EXT2: variants seen among roughly 807,000 people sequenced by gnomAD.
The protein encoded by EXT2 is exostosin glycosyltransferase 2.
A neutral mutation model predicts 81.6 loss-of-function variants in EXT2; 53 were observed. The ratio of observed to expected loss-of-function variants is 0.65; its 90% CI spans 0.52 to 0.82. EXT2 has a LOEUF of 0.82. Among genes scored for constraint, EXT2 ranks in the 40% least tolerant of loss-of-function variants. The pLI, the probability that EXT2 is intolerant of heterozygous loss-of-function variation, is 0.00. For missense variants in EXT2, 774 were observed against 910.2 expected (o/e 0.85, Z 1.93); for synonymous variants, 320 against 340.0 (o/e 0.94, Z 0.65).
intron 7 of EXT2, among the ~76,000 whole-genome samples, chr11:44,141,686 C>T (rs1215557038): frequency 6.6e-6 from 1 of 152,210 alleles, no homozygotes; most frequent in Non-Finnish European, 1.5e-5. Flanking sequence ...CCTCCTTGGG[C>T]ATTTGTTGGA....
chr11:44,244,375 T>TCAACCTTCCACCCTTAACC lies in EXT2; in HGVS notation c.*88_*89insCAACCTTCCACCCTTAACC. The TCAACCTTCCACCCTTAACC allele has an allele frequency of 1.4e-6, 2 of 1,476,644 alleles. No individual in the cohort carries two copies. The highest frequency in any genetic ancestry group is 1.9e-6 in the Non-Finnish European group (2 of 1,057,662). 91.5% of individuals were successfully genotyped at this position (1,476,644 alleles called of 1,614,324 possible). A position where few individuals can be genotyped will look rare whatever the true frequency, so the allele number is the denominator to read the frequency against. ...AGCACTCTGATGTCAGAGTAGTAGG[T>TCAACCTTCCACCCTTAACC]TAAGGGTGGAAGGTTGACCTACTTG... is the stretch of plus-strand genomic sequence containing the variant. On this transcript the variant is annotated 3_prime_UTR_variant, in exon 14 of 14. Coordinates refer to ENST00000533608, the MANE Select transcript of EXT2 (RefSeq NM_207122.2).
intron 5 of EXT2, among the ~76,000 whole-genome samples, chr11:44,125,965 G>A (rs1215473255): frequency 6.6e-6 from 1 of 152,200 alleles, no homozygotes; most frequent in Non-Finnish European, 1.5e-5. Context: ...CCCCAGAGGT[G>A]TTTGGAATAT....
Position 44,124,878 on chromosome 11 carries a change from A to G in EXT2, c.833A>G (p.Glu278Gly). The change falls in exon 5 of 14, where the codon GAG becomes GGG. Residue 278 changes from glutamate (E) to glycine (G), a missense_variant. Physicochemically the swap from Glu to Gly is moderately conservative, Grantham distance 98 (BLOSUM62 -2). Transcript: ENST00000533608. ...DLEALQVKHG[E>G]SVLVLDKCTN... is the part of the protein sequence containing the mutation. ...GAAGCCCTCCAGGTCAAACATGGAG[A>G]GTCAGTGTTAGTACTCGATAAATGC... 1 of 1,614,006 alleles carries G rather than the reference A, an allele frequency of 6.2e-7. No individual in the cohort carries two copies. Among genetic ancestry groups the G allele is most frequent in the Non-Finnish European group, 8.5e-7 (1 of 1,179,996 alleles).
chr11:44,186,253 A>T (rs571479944), intron 8 of EXT2, among the ~76,000 whole-genome samples: 1 of 152,334 alleles, frequency 6.6e-6, no homozygotes, highest in South Asian at 2.1e-4. Context: ...CATACTATAG[A>T]TATATTTAGT....
rs1017359303 is a variant in EXT2, at chr11:44,246,217, G to A, written c.*1930G>A. 2.6e-5 allele frequency among the ~76,000 whole-genome samples: 4 copies of A among 152,116 alleles called. No homozygotes were observed. The highest frequency in any genetic ancestry group is 5.9e-5 in the Non-Finnish European group (4 of 68,036). ...CAAGATGTGGGGCAGGTATAGGGGA[G>A]GGTCTTACATTGAAATCTCTGCTGA... On this transcript the variant is annotated 3_prime_UTR_variant, in exon 14 of 14. Transcript: ENST00000533608.
In EXT2 at chr11:44,228,242, AATAAT is replaced by A. The variant is rs1955859770; in HGVS notation, c.1663-4106_1663-4102del. Among the ~76,000 whole-genome samples, 3 of 152,236 alleles carry A rather than the reference AATAAT, an allele frequency of 2.0e-5. No homozygotes were observed. The South Asian group carries it at 6.2e-4, about 31-fold the overall frequency. Reference sequence around the variant, plus strand: ...TAGACAATTTAATATTGACTTTGTGAATAATATAACTGTGGAAGCACTGTTACTGG... The same window carrying A: ...TAGACAATTTAATATTGACTTTGTGAATAACTGTGGAAGCACTGTTACTGG... On this transcript the variant is annotated intron_variant, in intron 10 of 13. Coordinates refer to ENST00000533608, the MANE Select transcript of EXT2 (RefSeq NM_207122.2).
chr11:44,151,873 C>T (rs1319911773), intron 7 of EXT2, among the ~76,000 whole-genome samples: 1 of 152,214 alleles, frequency 6.6e-6, no homozygotes, highest in African/African-American at 2.4e-5. Context: ...TCTTCACCAA[C>T]ATTTGGTGTT....
chr11:44,153,562 A>T (rs1954820272), intron 7 of EXT2, among the ~76,000 whole-genome samples: 1 of 151,760 alleles, frequency 6.6e-6, no homozygotes, highest in Admixed American at 6.6e-5. Flanking sequence ...GTTGAAAAGG[A>T]GTGTGAGAGG....
chr11:44,192,673 G>A (rs1955407540), intron 8 of EXT2, among the ~76,000 whole-genome samples: 1 of 152,032 alleles, frequency 6.6e-6, no homozygotes, highest in Non-Finnish European at 1.5e-5. Flanking sequence ...AATCATCATT[G>A]CCCTAGGAGG....
intron 7 of EXT2, among the ~76,000 whole-genome samples, chr11:44,131,366 T>G (rs1358885219): frequency 6.6e-6 from 1 of 152,210 alleles, no homozygotes; most frequent in Non-Finnish European, 1.5e-5. Context: ...CGACACAGAT[T>G]AAGTCTGTAG....
intron 4 of EXT2, among the ~76,000 whole-genome samples, chr11:44,122,650 G>A (rs1245491801): frequency 6.6e-6 from 1 of 152,198 alleles, no homozygotes; most frequent in East Asian, 1.9e-4. Flanking sequence ...AAAGGAACCA[G>A]TCTGTACAGC....
chr11:44,133,189 T>C (rs1434762731), intron 7 of EXT2, among the ~76,000 whole-genome samples: 1 of 152,238 alleles, frequency 6.6e-6, no homozygotes, highest in African/African-American at 2.4e-5. Context: ...AGTTCTTTGG[T>C]TCTATAACAA....
chr11:44,245,631 A>T lies in EXT2; in HGVS notation c.*1344A>T, dbSNP rs1276405911. On this transcript the variant is annotated 3_prime_UTR_variant, in exon 14 of 14. Transcript: ENST00000533608. Reference sequence around the variant, plus strand: ...AATATGGATATAATTACAGAAACCTAGTTGTTTTGCCAGTCAGCGTCAGTC... The same window carrying T: ...AATATGGATATAATTACAGAAACCTTGTTGTTTTGCCAGTCAGCGTCAGTC... 6.6e-6 allele frequency among the ~76,000 whole-genome samples: 1 copy of T among 152,172 alleles called. No individual in the cohort carries two copies. Among genetic ancestry groups the T allele is most frequent in the Non-Finnish European group, 1.5e-5 (1 of 68,026 alleles).
chr11:44,192,387 T>G (rs1364661079), intron 8 of EXT2, among the ~76,000 whole-genome samples: 1 of 152,086 alleles, frequency 6.6e-6, no homozygotes, highest in African/African-American at 2.4e-5. Context: ...TCTTCCCCAC[T>G]AGGTTATGTG....
At chr11:44,096,487 G>C (rs1284547899) in intron 1 of EXT2, among the ~76,000 whole-genome samples, 1 of 151,990 alleles carries the variant, frequency 6.6e-6, no homozygotes, top group Non-Finnish European at 1.5e-5. Context: ...GGGCGTGTTA[G>C]GCAGGGGACT....
chr11:44,172,528 A>T (rs1050427937), intron 8 of EXT2, among the ~76,000 whole-genome samples: 1 of 150,454 alleles, frequency 6.6e-6, no homozygotes, highest in Non-Finnish European at 1.5e-5. Flanking sequence ...CTTCATTCTA[A>T]TTGTCTCTCT....
In EXT2 at chr11:44,157,224, C is replaced by T. The variant is rs560421834; in HGVS notation, c.1174-14387C>T. Among the ~76,000 whole-genome samples the T allele has an allele frequency of 8.5e-5, 13 of 152,176 alleles. No homozygotes were observed. In the East Asian group the frequency reaches 2.3e-3, roughly 27 times the overall value. Reference sequence around the variant, plus strand: ...GATCTTTCCCAGGGCCTGCAGTGACCGCTGCCTGGCTGCTTCTGATGTTCA... The same window carrying T: ...GATCTTTCCCAGGGCCTGCAGTGACTGCTGCCTGGCTGCTTCTGATGTTCA... On this transcript the variant is annotated intron_variant, in intron 7 of 13. Coordinates refer to ENST00000533608, the MANE Select transcript of EXT2 (RefSeq NM_207122.2).
chr11:44,208,539 T>G (rs1407427610), intron 10 of EXT2, among the ~76,000 whole-genome samples: 1 of 152,250 alleles, frequency 6.6e-6, no homozygotes, highest in Non-Finnish European at 1.5e-5. Flanking sequence ...GATTCCATAT[T>G]ACCTCTAAAG....
chr11:44,169,090 C>T (rs551466411), intron 7 of EXT2, among the ~76,000 whole-genome samples: 2 of 151,662 alleles, frequency 1.3e-5, no homozygotes, highest in East Asian at 1.9e-4. Context: ...CGTGGTGGTG[C>T]GTGCCTGTAA....
Sources: allele counts gnomAD v4.1 joint callset (sites outside exome capture counted in the v4.1 genomes callset), GRCh38; gene constraint gnomAD v4.1.1; transcripts MANE v1.5; gene names NCBI Gene and HGNC (gene_info 2026-07-23, HGNC 2026-07-21).